Variants in MAP2 observed in about 807,000 individuals in gnomAD.
The protein encoded by MAP2 is microtubule associated protein 2.
MAP2 carries 14 observed loss-of-function variants against 137.6 expected under a neutral mutation model. That is an observed-to-expected ratio of 0.10 (90% CI 0.07 to 0.16). The LOEUF is 0.16. Among genes scored for constraint, MAP2 ranks in the 10% least tolerant of loss-of-function variants. The pLI is 1.00. For missense variants in MAP2, 2,088 were observed against 2,191.5 expected (o/e 0.95, Z 0.94); for synonymous variants, 786 against 782.3 (o/e 1.00, Z -0.08).
chr2:209,506,611 TTG>T (rs2061096533), intron 1 of MAP2, among the ~76,000 whole-genome samples: 1 of 152,180 alleles, frequency 6.6e-6, no homozygotes, highest in Non-Finnish European at 1.5e-5. Context: ...GCACAAAAGT[TTG>T]TTTTTGTCCC....
chr2:209,678,673 G>T lies in MAP2; in HGVS notation c.364G>T (p.Ala122Ser). ...AGCTCAACATAAAGACCAGACTGCAGCTCTGCCTTTAGGTAAATAAGAAGA... is the reference window on the plus strand; with the variant it reads ...AGCTCAACATAAAGACCAGACTGCATCTCTGCCTTTAGGTAAATAAGAAGA... ...KEAQHKDQTA[A>S]LPLAAEETAN... The change falls in exon 6 of 16, where the codon GCT becomes TCT. Residue 122 changes from alanine to serine, a missense_variant. Coordinates refer to ENST00000682079, the MANE Select transcript of MAP2 (RefSeq NM_001375505.1). 6.3e-7 allele frequency: 1 copy of T among 1,597,250 alleles called. No homozygotes were observed. Among genetic ancestry groups the T allele is most frequent in the South Asian group, 1.1e-5 (1 of 88,958 alleles).
rs180725967 is a variant in MAP2 at position 209,510,198 on chromosome 2, A to G, written c.-172+2557A>G. Among the ~76,000 whole-genome samples the G allele has an allele frequency of 5.1e-4, 77 of 152,030 alleles. 1 individual carries two copies. In the East Asian group the frequency reaches 8.3e-3, roughly 16 times the overall value. ...TTAATACTGCTACCAGCATTTTGGT[A>G]TATTTTCCTCCAGTTTTTTTTGTGG... is the stretch of plus-strand genomic sequence containing the variant. On this transcript the variant is annotated intron_variant, in intron 2 of 15. Coordinates refer to ENST00000682079, the MANE Select transcript of MAP2 (RefSeq NM_001375505.1).
chr2:209,606,002 G>A (rs2084584019), intron 3 of MAP2, among the ~76,000 whole-genome samples: 3 of 152,132 alleles, frequency 2.0e-5, no homozygotes, highest in Admixed American at 2.0e-4. Flanking sequence ...CCGCTGGATA[G>A]ATAGATGCAT....
At chr2:209,617,065 G>A (rs1276097997) in intron 3 of MAP2, among the ~76,000 whole-genome samples, 1 of 152,120 alleles carries the variant, frequency 6.6e-6, no homozygotes, top group Non-Finnish European at 1.5e-5. Context: ...GGCGGGATGG[G>A]GGATACAGTG....
At chr2:209,616,733 GT>G (rs1406339344) in intron 3 of MAP2, among the ~76,000 whole-genome samples, 2 of 152,158 alleles carry the variant, frequency 1.3e-5, no homozygotes, top group African/African-American at 2.4e-5. Flanking sequence ...TTGGGGTGGA[GT>G]GGGGCAGACA....
intron 7 of MAP2, among the ~76,000 whole-genome samples, chr2:209,686,594 C>T (rs1314583977): frequency 1.3e-5 from 2 of 152,158 alleles, no homozygotes; most frequent in African/African-American, 4.8e-5. Context: ...GCAACCACCA[C>T]ATAGGCCTGA....
At chr2:209,472,596 A>C (rs1224772943) in intron 1 of MAP2, among the ~76,000 whole-genome samples, 2 of 152,174 alleles carry the variant, frequency 1.3e-5, no homozygotes, top group African/African-American at 4.8e-5. Flanking sequence ...CAAAGGCTTG[A>C]GTGTTGAAAT....
intron 2 of MAP2, among the ~76,000 whole-genome samples, chr2:209,565,407 A>T (rs1359741445): frequency 6.6e-6 from 1 of 151,830 alleles, no homozygotes; most frequent in Admixed American, 6.6e-5. Context: ...TTTTGTAGAA[A>T]CAGGGTCTCT....
chr2:209,716,998 T>A (rs2067934866), intron 13 of MAP2, among the ~76,000 whole-genome samples: 1 of 152,040 alleles, frequency 6.6e-6, no homozygotes, highest in African/African-American at 2.4e-5. Flanking sequence ...AAAGGTGTCA[T>A]AAGGGAAGAA....
chr2:209,469,755 GT>G (rs1705188223), intron 1 of MAP2, among the ~76,000 whole-genome samples: 1 of 152,168 alleles, frequency 6.6e-6, no homozygotes, highest in Non-Finnish European at 1.5e-5. Flanking sequence ...CTAAGCAAGT[GT>G]AGTTCATTCT....
At chr2:209,548,734 C>A (rs2068579845) in intron 2 of MAP2, among the ~76,000 whole-genome samples, 1 of 152,106 alleles carries the variant, frequency 6.6e-6, no homozygotes, top group Admixed American at 6.6e-5. Context: ...CCGTGCTCTT[C>A]TTGTAATACT....
chr2:209,627,687 G>A lies in MAP2; in HGVS notation c.-30+2558G>A, dbSNP rs114127544. Among the ~76,000 whole-genome samples the A allele has an allele frequency of 4.6e-3, 706 of 152,174 alleles. 4 individuals carry two copies. Among genetic ancestry groups the A allele is most frequent in the African/African-American group, 0.016 (654 of 41,508 alleles). On this transcript the variant is annotated intron_variant, in intron 4 of 15. Coordinates refer to ENST00000682079, the MANE Select transcript of MAP2 (RefSeq NM_001375505.1). ...TTATTCATGCCACTAATATTTATTG[G>A]GATCCTTTTATGTGAGTTGAGGTCC... is the stretch of plus-strand genomic sequence containing the variant.
chr2:209,583,475 GT>G (rs550027370), intron 3 of MAP2, among the ~76,000 whole-genome samples: 15 of 148,644 alleles, frequency 1.0e-4, no homozygotes, highest in South Asian at 2.1e-4. Context: ...CAAGGTTTGG[GT>G]TTTTTTTTTC....
intron 14 of MAP2, among the ~76,000 whole-genome samples, chr2:209,728,660 C>A: frequency 6.6e-6 from 1 of 152,196 alleles, no homozygotes; most frequent in East Asian, 1.9e-4. Flanking sequence ...CTTTCGTCTA[C>A]AGAGATACAT....
Position 209,559,479 on chromosome 2 carries a change from C to CAAAAAAAAAAAAAAAAAAA in MAP2, c.-171-20550_-171-20532dup, listed in dbSNP as rs59788211. Among the ~76,000 whole-genome samples, 2 of 37,542 alleles carry CAAAAAAAAAAAAAAAAAAA rather than the reference C, an allele frequency of 5.3e-5. 1 individual carries two copies. The highest frequency in any genetic ancestry group is 1.1e-4 in the Non-Finnish European group (2 of 18,078). The allele number at this position is 37,542 out of a possible 152,430, so 24.6% of individuals were successfully genotyped here. A position where few individuals can be genotyped will look rare whatever the true frequency, so the allele number is the denominator to read the frequency against. ...TGAAACTCCATCTCTGCCAAAAATA[C>CAAAAAAAAAAAAAAAAAAA]AAAAAAAAAAAAAAAAAAAAAAAAA... On this transcript the variant is annotated intron_variant, in intron 2 of 15. Coordinates refer to ENST00000682079, the MANE Select transcript of MAP2 (RefSeq NM_001375505.1).
intron 2 of MAP2, among the ~76,000 whole-genome samples, chr2:209,531,911 A>ATTTGTTT (rs932404123): frequency 3.3e-5 from 5 of 152,106 alleles, no homozygotes; most frequent in Non-Finnish European, 7.4e-5. Flanking sequence ...TATAATATAA[A>ATTTGTTT]TGTTGATTTG....
intron 3 of MAP2, among the ~76,000 whole-genome samples, chr2:209,582,496 T>C (rs1397595841): frequency 1.3e-5 from 2 of 152,148 alleles, no homozygotes; most frequent in Non-Finnish European, 2.9e-5. Flanking sequence ...AGGCTTGACA[T>C]TGTTTATTGC....
chr2:209,519,831 G>A (rs992826251), intron 2 of MAP2, among the ~76,000 whole-genome samples: 2 of 151,958 alleles, frequency 1.3e-5, no homozygotes, highest in African/African-American at 2.4e-5. Flanking sequence ...CCTTAAAATG[G>A]AAAGATTGAA....
At chr2:209,474,787 G>A (rs1706745671) in intron 1 of MAP2, among the ~76,000 whole-genome samples, 1 of 151,954 alleles carries the variant, frequency 6.6e-6, no homozygotes, top group African/African-American at 2.4e-5. Context: ...TAAAATACAT[G>A]GAGATTGTTA....
Sources: allele counts gnomAD v4.1 joint callset (sites outside exome capture counted in the v4.1 genomes callset), GRCh38; gene constraint gnomAD v4.1.1; transcripts MANE v1.5; gene names NCBI Gene and HGNC (gene_info 2026-07-23, HGNC 2026-07-21).